The following TLN2 variants were observed in gnomAD, a reference collection of about 807,000 sequenced individuals.
TLN2 encodes the protein talin 2, also known as talin-2.
In TLN2, 118 loss-of-function variants were observed where a neutral mutation model predicts 294.7. The ratio of observed to expected loss-of-function variants is 0.40; its 90% CI spans 0.34 to 0.47. The LOEUF is 0.47. Ranked by LOEUF, TLN2 falls within the 20% of genes least tolerant of loss-of-function variation. The pLI, the probability that TLN2 is intolerant of heterozygous loss-of-function variation, is 0.84. For missense variants in TLN2, 3,083 were observed against 3,282.2 expected (o/e 0.94, Z 1.48); for synonymous variants, 1,431 against 1,304.5 (o/e 1.10, Z -2.09).
At chr15:62,507,246 C>T (rs771580547) in intron 1 of TLN2, among the ~76,000 whole-genome samples, 2 of 152,152 alleles carry the variant, frequency 1.3e-5, no homozygotes, top group African/African-American at 4.8e-5. Flanking sequence ...TTAATGAGAT[C>T]GTGCTTCGAG....
At chr15:62,706,735 G>C (rs544452714) in intron 19 of TLN2, among the ~76,000 whole-genome samples, 2 of 152,162 alleles carry the variant, frequency 1.3e-5, no homozygotes, top group Non-Finnish European at 2.9e-5. Flanking sequence ...TATGTTTTCA[G>C]CTTCTCCTGA....
At chr15:62,823,314 T>A (rs1349234369) in intron 54 of TLN2, among the ~76,000 whole-genome samples, 1 of 152,218 alleles carries the variant, frequency 6.6e-6, no homozygotes, top group East Asian at 1.9e-4. Context: ...GCATGAAATA[T>A]CTTCCTTGCC....
At chr15:62,672,088 AGTT>A (rs1266898874) in intron 9 of TLN2, among the ~76,000 whole-genome samples, 1 of 152,136 alleles carries the variant, frequency 6.6e-6, no homozygotes, top group Non-Finnish European at 1.5e-5. Context: ...TTCCCGATCA[AGTT>A]GTTATTTTTT....
At chr15:62,717,215 G>GAC (rs1455506898) in intron 23 of TLN2, among the ~76,000 whole-genome samples, 2 of 152,202 alleles carry the variant, frequency 1.3e-5, no homozygotes, top group African/African-American at 4.8e-5. Flanking sequence ...ATTTGTGCTT[G>GAC]ACACAGAACC....
chr15:62,549,892 G>A (rs1399678328), intron 1 of TLN2, among the ~76,000 whole-genome samples: 3 of 152,178 alleles, frequency 2.0e-5, no homozygotes, highest in Admixed American at 6.5e-5. Flanking sequence ...AAATAGCTGC[G>A]AGGTGGAGTG....
At chr15:62,651,079 G>T (rs1257708800) in intron 5 of TLN2, among the ~76,000 whole-genome samples, 1 of 152,124 alleles carries the variant, frequency 6.6e-6, no homozygotes, top group East Asian at 1.9e-4. Context: ...ATTTTTATAT[G>T]CAAATAGTAA....
chr15:62,427,129 C>T (rs927682588), intron 1 of TLN2, among the ~76,000 whole-genome samples: 8 of 152,076 alleles, frequency 5.3e-5, no homozygotes, highest in African/African-American at 1.9e-4. Context: ...CTTCAGTGGC[C>T]AGCATCAGTG....
chr15:62,640,440 G>A (rs969169754), intron 3 of TLN2: 6 of 441,094 alleles, frequency 1.4e-5, no homozygotes, highest in African/African-American at 1.2e-4. Flanking sequence ...AGGTATGGTA[G>A]CCTGGCCCTC....
intron 1 of TLN2, among the ~76,000 whole-genome samples, chr15:62,468,526 ACAGGGT>A (rs796379410): frequency 9.9e-5 from 15 of 152,240 alleles, no homozygotes; most frequent in African/African-American, 3.6e-4. Context: ...CAGGCGGATC[ACAGGGT>A]CAGGAGATTG....
intron 1 of TLN2, among the ~76,000 whole-genome samples, chr15:62,562,906 T>TCACACACACACACACACA (rs61578830): frequency 6.0e-5 from 6 of 99,316 alleles, no homozygotes; most frequent in Non-Finnish European, 8.1e-5. Context: ...TAGTATTCCA[T>TCACACACACACACACACA]CACACACACA....
intron 1 of TLN2, among the ~76,000 whole-genome samples, chr15:62,459,673 T>G (rs973004148): frequency 1.3e-5 from 2 of 152,162 alleles, no homozygotes; most frequent in African/African-American, 4.8e-5. Context: ...ATGCAAGCCC[T>G]TTTGCTTGCT....
rs533794974 is a variant in TLN2 at position 62,502,021 on chromosome 15, G to T, written c.-237-87666G>T. 5.9e-5 allele frequency among the ~76,000 whole-genome samples: 9 copies of T among 152,100 alleles called. No homozygotes were observed. In the East Asian group the frequency reaches 1.7e-3, roughly 29 times the overall value. ...GTGATATGGCTTTGTGACCTTCCTC[G>T]CTCTCTTTGTCCTAAGCCTATGATG... On this transcript the variant is annotated intron_variant, in intron 1 of 58. Coordinates refer to ENST00000636159, the MANE Select transcript of TLN2 (RefSeq NM_015059.3).
chr15:62,646,170 T>C (rs1020652609), intron 3 of TLN2, among the ~76,000 whole-genome samples: 3 of 17,532 alleles, frequency 1.7e-4, no homozygotes, highest in African/African-American at 5.7e-4. Flanking sequence ...CTTTTCTTTC[T>C]TTTTTTTTTT....
intron 1 of TLN2, among the ~76,000 whole-genome samples, chr15:62,488,655 TAAACGG>T (rs1419558480): frequency 6.6e-5 from 10 of 152,194 alleles, no homozygotes; most frequent in African/African-American, 2.4e-4. Flanking sequence ...TGATGAAACA[TAAACGG>T]AAAGCCTTTA....
chr15:62,700,986 G>T lies in TLN2; in HGVS notation c.1588-120G>T, dbSNP rs114133326. On this transcript the variant is annotated intron_variant, in intron 16 of 58. Coordinates refer to ENST00000636159, the MANE Select transcript of TLN2 (RefSeq NM_015059.3). ...TTTAGGATAACTTAAGGGCCCTGTC[G>T]GTGCTGGCCTCATAAGAAGAATGTA... is the stretch of plus-strand genomic sequence containing the variant. 425 of 788,880 alleles carry T rather than the reference G, an allele frequency of 5.4e-4. No homozygotes were observed. In the African/African-American group the frequency reaches 6.7e-3, roughly 12 times the overall value. The allele number at this position is 788,880 out of a possible 1,614,324, so 48.9% of individuals were successfully genotyped here. A position where few individuals can be genotyped will look rare whatever the true frequency, so the allele number is the denominator to read the frequency against.
chr15:62,436,155 G>A (rs887469950), intron 1 of TLN2, among the ~76,000 whole-genome samples: 4 of 152,166 alleles, frequency 2.6e-5, no homozygotes, highest in African/African-American at 9.7e-5. Context: ...TTCTAATTCA[G>A]TTGTCTGCCT....
intron 1 of TLN2, among the ~76,000 whole-genome samples, chr15:62,569,405 C>T (rs1567115532): frequency 6.6e-6 from 1 of 152,204 alleles, no homozygotes; most frequent in Non-Finnish European, 1.5e-5. Context: ...TTGGCCTGAC[C>T]TGGCTCTAGA....
chr15:62,775,275 T>C lies in TLN2; in HGVS notation c.5368-1489T>C, dbSNP rs142076484. 4.1e-4 allele frequency among the ~76,000 whole-genome samples: 63 copies of C among 152,304 alleles called. 1 individual carries two copies. The highest frequency in any genetic ancestry group is 1.4e-3 in the African/African-American group (60 of 41,580). On this transcript the variant is annotated intron_variant, in intron 42 of 58. Transcript: ENST00000636159. ...ATTCTAAATGAGATGTAGAGAAATA[T>C]GCACCCTCCCTTTCACCTTCTGTAC...
chr15:62,614,569 C>T (rs927442056), intron 2 of TLN2, among the ~76,000 whole-genome samples: 1 of 152,170 alleles, frequency 6.6e-6, no homozygotes, highest in African/African-American at 2.4e-5. Flanking sequence ...AAAGAACATT[C>T]ACTTCTTCGT....
Sources: allele counts gnomAD v4.1 joint callset (sites outside exome capture counted in the v4.1 genomes callset), GRCh38; gene constraint gnomAD v4.1.1; transcripts MANE v1.5; gene names NCBI Gene and HGNC (gene_info 2026-07-23, HGNC 2026-07-21).